IL17B: variants seen among roughly 807,000 people sequenced by gnomAD.
IL17B encodes interleukin 17B, also known as interleukin-17B.
A neutral mutation model predicts 14.7 loss-of-function variants in IL17B; 14 were observed. The observed-to-expected ratio is 0.95, with a 90% CI of 0.63 to 1.49. IL17B has a LOEUF of 1.49. Among genes scored for constraint, IL17B ranks in the 40% most tolerant of loss-of-function variants. The pLI, the probability that IL17B is intolerant of heterozygous loss-of-function variation, is 0.00. For synonymous variants in IL17B, 105 were observed against 94.8 expected (o/e 1.11, Z -0.62); for missense variants, 233 against 252.8 (o/e 0.92, Z 0.53).
At chr5:149,382,000 G>T (rs546187302), upstream of IL17B, among the ~76,000 whole-genome samples, 2 of 152,256 alleles carry the variant, frequency 1.3e-5, no homozygotes, top group South Asian at 4.1e-4. Flanking sequence ...GGGTGGCCGC[G>T]GTCTCGCTCA....
At chr5:149,384,186 T>G (rs1428416302), upstream of IL17B, among the ~76,000 whole-genome samples, 1 of 152,244 alleles carries the variant, frequency 6.6e-6, no homozygotes, top group Non-Finnish European at 1.5e-5. Flanking sequence ...TTTTTTATTT[T>G]GCAGAAGCCC....
upstream of IL17B, among the ~76,000 whole-genome samples, chr5:149,382,440 A>G (rs1438187616): frequency 6.6e-6 from 1 of 152,226 alleles, no homozygotes; most frequent in African/African-American, 2.4e-5. Flanking sequence ...AGAAAATAAC[A>G]GTAACAATAA....
chr5:149,393,340 C>G (rs6870398), intron 1 of IL17B, among the ~76,000 whole-genome samples: 189 of 152,260 alleles, frequency 1.2e-3, no homozygotes, highest in African/African-American at 4.2e-3. Context: ...GTGCCCTATG[C>G]ATCCCTGTGG....
chr5:149,390,329 C>T (rs539638420), intron 1 of IL17B, among the ~76,000 whole-genome samples: 85 of 151,556 alleles, frequency 5.6e-4, no homozygotes, highest in African/African-American at 1.6e-3. Context: ...GGGGACTGGT[C>T]GGGGACAGAA....
intron 1 of IL17B, among the ~76,000 whole-genome samples, chr5:149,385,078 TAA>T (rs1758796131): frequency 6.6e-6 from 1 of 150,814 alleles, no homozygotes; most frequent in Admixed American, 6.6e-5. Flanking sequence ...CATGCCCAGC[TAA>T]TTTTTGTATT....
intron 1 of IL17B, among the ~76,000 whole-genome samples, chr5:149,399,714 G>T (rs1304756499): frequency 4.6e-5 from 7 of 152,120 alleles, no homozygotes; most frequent in African/African-American, 9.7e-5. Flanking sequence ...TAATAATAGG[G>T]CCGGGACTCC....
chr5:149,402,943 C>T (rs1759238810), intron 1 of IL17B, among the ~76,000 whole-genome samples: 1 of 132,632 alleles, frequency 7.5e-6, no homozygotes, highest in Non-Finnish European at 1.5e-5. Flanking sequence ...GCAGAGGTTG[C>T]AGTGAGCCGG....
chr5:149,402,778 C>A (rs1431003330), intron 1 of IL17B, among the ~76,000 whole-genome samples: 1 of 150,226 alleles, frequency 6.7e-6, no homozygotes, highest in Non-Finnish European at 1.5e-5. Context: ...CCGAGGCGGG[C>A]GGATCACAAG....
intron 1 of IL17B, among the ~76,000 whole-genome samples, 158 bp from the exon 2 acceptor site, chr5:149,377,183 C>G (rs1326673020): frequency 6.6e-6 from 1 of 151,262 alleles, no homozygotes; most frequent in African/African-American, 2.5e-5. Flanking sequence ...AGATTACCCC[C>G]TGTTTCCTCT....
At chr5:149,399,800 T>G (rs1490637435) in intron 1 of IL17B, among the ~76,000 whole-genome samples, 1 of 152,160 alleles carries the variant, frequency 6.6e-6, no homozygotes, top group Admixed American at 6.5e-5. Flanking sequence ...GTGGCAGGAA[T>G]TTTTGCCAGC....
upstream of IL17B, among the ~76,000 whole-genome samples, chr5:149,381,251 C>T (rs543836825): frequency 3.4e-4 from 52 of 152,212 alleles, no homozygotes; most frequent in Non-Finnish European, 6.6e-4. Flanking sequence ...TGTCAGCTTC[C>T]CCTGCTCCAG....
upstream of IL17B, among the ~76,000 whole-genome samples, chr5:149,383,773 C>G (rs960064329): frequency 6.6e-6 from 1 of 152,224 alleles, no homozygotes; most frequent in African/African-American, 2.4e-5. Context: ...GGGGCTGCCA[C>G]GTCGACATGA....
intron 1 of IL17B, among the ~76,000 whole-genome samples, chr5:149,387,421 G>A (rs935332901): frequency 3.9e-5 from 6 of 152,170 alleles, no homozygotes; most frequent in Admixed American, 3.9e-4. Context: ...CGCAGATGCT[G>A]ATGACAATTG....
intron 1 of IL17B, among the ~76,000 whole-genome samples, chr5:149,384,936 T>G (rs1581390072): frequency 4.4e-5 from 6 of 137,694 alleles, no homozygotes; most frequent in African/African-American, 5.5e-5. Context: ...TGAGATGGAG[T>G]CTCGCTCTGT....
At chr5:149,384,119 A>G (rs1758768345), upstream of IL17B, among the ~76,000 whole-genome samples, 2 of 152,210 alleles carry the variant, frequency 1.3e-5, no homozygotes, top group Non-Finnish European at 2.9e-5. Flanking sequence ...CTGAGGATGC[A>G]CAGTCCATTT....
At chr5:149,379,388 C>T, upstream of IL17B, 2 of 786,382 alleles carry the variant, frequency 2.5e-6, no homozygotes, top group Non-Finnish European at 4.1e-6. Flanking sequence ...GCCTTGGGCC[C>T]CCAGCTGGCT....
chr5:149,398,994 CAA>C (rs1302986297), intron 1 of IL17B, among the ~76,000 whole-genome samples: 2 of 152,174 alleles, frequency 1.3e-5, no homozygotes, highest in African/African-American at 2.4e-5. Flanking sequence ...GTGGCAGCAG[CAA>C]GAGAGAAGAG....
intron 1 of IL17B, among the ~76,000 whole-genome samples, chr5:149,378,553 C>T (rs1264745224): frequency 6.6e-6 from 1 of 152,234 alleles, no homozygotes; most frequent in African/African-American, 2.4e-5. Flanking sequence ...GTATGCCTCA[C>T]CTCACAGCCC....
intron 1 of IL17B, among the ~76,000 whole-genome samples, chr5:149,390,082 G>A (rs926971858): frequency 7.9e-5 from 12 of 152,118 alleles, no homozygotes; most frequent in African/African-American, 2.4e-4. Context: ...TTCTAATAAC[G>A]TCTCTGGTGC....
Sources: allele counts gnomAD v4.1 joint callset (sites outside exome capture counted in the v4.1 genomes callset), GRCh38; gene constraint gnomAD v4.1.1; transcripts MANE v1.5; gene names NCBI Gene and HGNC (gene_info 2026-07-23, HGNC 2026-07-21).